NFXL1: variants seen among roughly 807,000 people sequenced by gnomAD.
NFXL1 encodes NF-X1-type zinc finger protein NFXL1.
In NFXL1, 66 loss-of-function variants were observed where a neutral mutation model predicts 123.3. That is an observed-to-expected ratio of 0.54 (90% CI 0.44 to 0.66). The LOEUF (loss-of-function observed/expected upper bound fraction) is 0.66. Ranked by LOEUF, NFXL1 falls within the 30% of genes least tolerant of loss-of-function variation. NFXL1 has a pLI of 0.00. For missense variants in NFXL1, 944 were observed against 1,125.6 expected, an observed-to-expected ratio of 0.84 and a Z score of 2.31; for synonymous variants, 346 against 360.8, an observed-to-expected ratio of 0.96 and a Z score of 0.46.
chr4:47,908,898 T>C (rs1299233255), intron 3 of NFXL1, among the ~76,000 whole-genome samples: 1 of 135,748 alleles, frequency 7.4e-6, no homozygotes, highest in Non-Finnish European at 1.5e-5. Flanking sequence ...GAGCTTGCAG[T>C]GAGCTGAGAT....
chr4:47,892,390 C>T (rs62298261), intron 11 of NFXL1, among the ~76,000 whole-genome samples: 49,823 of 152,040 alleles, frequency 0.33, 9,856 homozygotes, highest in Non-Finnish European at 0.44. Context: ...GGCAGCAGTA[C>T]AGAAAAAGCT....
At chr4:47,877,286 C>G (rs779285534) in intron 17 of NFXL1, 2 of 405,032 alleles carry the variant, frequency 4.9e-6, no homozygotes, top group Non-Finnish European at 9.8e-6. Flanking sequence ...AATTATCTTC[C>G]TGGATCACTT....
Position 47,890,753 on chromosome 4 carries a change from T to TAATA in NFXL1, c.1453-54_1453-51dup, listed in dbSNP as rs1047368658. The TAATA allele has an allele frequency of 4.0e-6, 4 of 995,454 alleles. No homozygotes were observed. The African/African-American group carries it at 6.4e-5, about 16-fold the overall frequency. 61.7% of individuals were successfully genotyped at this position (995,454 alleles called of 1,614,324 possible). ...AACAGGTAATTCAAAAACCCATGAA[T>TAATA]AATAGGCATGTCATTACTAGTTACA... On this transcript the variant is annotated intron_variant, in intron 11 of 22. Transcript: ENST00000507489.
rs1463730767 is a variant in NFXL1 at position 47,874,078 on chromosome 4, T to A, written c.2246+1049A>T. 5.3e-5 allele frequency among the ~76,000 whole-genome samples: 8 copies of A among 152,164 alleles called. No homozygotes were observed. In the East Asian group the frequency reaches 1.5e-3, roughly 29 times the overall value. ...TCAGTCTTCACAGAATTGAAGAGAGTTAGGAACATCTCTAAATGTTGTGGC... is the reference window on the plus strand; with the variant it reads ...TCAGTCTTCACAGAATTGAAGAGAGATAGGAACATCTCTAAATGTTGTGGC... On this transcript the variant is annotated intron_variant, in intron 18 of 22. Coordinates refer to ENST00000507489, the MANE Select transcript of NFXL1 (RefSeq NM_001278624.2).
intron 18 of NFXL1, among the ~76,000 whole-genome samples, chr4:47,866,062 A>G (rs1352468868): frequency 6.6e-6 from 1 of 152,150 alleles, no homozygotes; most frequent in Admixed American, 6.6e-5. Context: ...AGATTCAAGT[A>G]GCCAATCTTG....
chr4:47,851,777 T>G, intron 21 of NFXL1, 79 bp downstream of exon 21: 1 of 901,334 alleles, frequency 1.1e-6, no homozygotes, highest in Non-Finnish European at 1.7e-6. Context: ...TTTCAAGTTG[T>G]TTTTAATAAG....
At chr4:47,874,836 C>T (rs1424746668) in intron 18 of NFXL1, among the ~76,000 whole-genome samples, 1 of 152,130 alleles carries the variant, frequency 6.6e-6, no homozygotes, top group Admixed American at 6.5e-5. Context: ...CATAGTCAAA[C>T]TATCAGGTAT....
intron 18 of NFXL1, among the ~76,000 whole-genome samples, chr4:47,870,576 T>A (rs970307032): frequency 3.3e-5 from 5 of 150,564 alleles, no homozygotes; most frequent in Non-Finnish European, 5.9e-5. Context: ...GGCAAAAGTA[T>A]TGTAAAGAAA....
intron 9 of NFXL1, among the ~76,000 whole-genome samples, chr4:47,897,641 G>A (rs531139305): frequency 2.0e-5 from 3 of 152,090 alleles, no homozygotes; most frequent in Non-Finnish European, 4.4e-5. Context: ...TCATGGTGTT[G>A]TATATTTTAT....
At chr4:47,898,160 T>G in intron 8 of NFXL1, 79 bp from the exon 9 acceptor site, 1 of 808,636 alleles carries the variant, frequency 1.2e-6, no homozygotes, top group Non-Finnish European at 1.9e-6. Flanking sequence ...ACAATCCATT[T>G]TTCAATCACA....
intron 15 of NFXL1, 74 bp downstream of exon 15, chr4:47,884,272 T>C (rs1736294304): frequency 4.5e-5 from 36 of 802,954 alleles, no homozygotes; most frequent in Middle Eastern, 4.8e-4. Flanking sequence ...AAAAGGGAGA[T>C]TGACTTCAGA....
intron 15 of NFXL1, among the ~76,000 whole-genome samples, chr4:47,881,743 C>T (rs538543763): frequency 6.6e-6 from 1 of 152,208 alleles, no homozygotes; most frequent in East Asian, 1.9e-4. Flanking sequence ...CACAGAGGAA[C>T]CATAAAACCA....
intron 9 of NFXL1, 163 bp from the exon 10 acceptor site, chr4:47,896,810 C>T: frequency 1.8e-6 from 1 of 547,708 alleles, no homozygotes; most frequent in Non-Finnish European, 3.2e-6. Flanking sequence ...GAAAATAATC[C>T]CTAATATTTG....
intron 18 of NFXL1, 59 bp downstream of exon 18, chr4:47,875,067 TA>T: frequency 8.4e-7 from 1 of 1,197,536 alleles, no homozygotes; most frequent in Non-Finnish European, 1.2e-6. Context: ...TTCTTAATTA[TA>T]AAAAGATACC....
At chr4:47,848,900 T>A (rs559844527) in intron 22 of NFXL1, among the ~76,000 whole-genome samples, 2 of 151,788 alleles carry the variant, frequency 1.3e-5, no homozygotes, top group Non-Finnish European at 2.9e-5. Flanking sequence ...AAAAAATAAA[T>A]AAATAAATAA....
Position 47,885,990 on chromosome 4 carries a change from T to A in NFXL1, c.1553A>T (p.Tyr518Phe). 6.2e-7 allele frequency: 1 copy of A among 1,610,306 alleles called. No homozygotes were observed. Among genetic ancestry groups the A allele is most frequent in the Non-Finnish European group, 8.5e-7 (1 of 1,179,008 alleles). ...CPSVCHRGSC[Y>F]PCPETVDVKC... Reference sequence around the variant, plus strand: ...CACATCTACGGTTTCTGGGCAGGGATAGCAACTGCCTGAAAAAAAAGTCTG... The same window carrying A: ...CACATCTACGGTTTCTGGGCAGGGAAAGCAACTGCCTGAAAAAAAAGTCTG... Residue 518 changes from tyrosine to phenylalanine, a missense_variant, in exon 13 of 23, where the codon TAT becomes TTT. Tyr to Phe is a conservative substitution (Grantham distance 22). Transcript: ENST00000507489.
chr4:47,868,067 G>A (rs1345104099), intron 18 of NFXL1, among the ~76,000 whole-genome samples: 5 of 152,196 alleles, frequency 3.3e-5, no homozygotes, highest in Non-Finnish European at 5.9e-5. Context: ...TGTAATCTCA[G>A]CACTTTGGGA....
In NFXL1 at chr4:47,914,193, G is replaced by T. The variant is rs529064297; in HGVS notation, c.11C>A (p.Ser4Tyr). 2.4e-5 allele frequency: 37 copies of T among 1,516,850 alleles called. No homozygotes were observed. Among genetic ancestry groups the T allele is most frequent in the Non-Finnish European group, 3.3e-5 (37 of 1,131,264 alleles). 94.0% of individuals were successfully genotyped at this position (1,516,850 alleles called of 1,614,324 possible). A position where few individuals can be genotyped will look rare whatever the true frequency, so the allele number is the denominator to read the frequency against. ...TCGGCCACCGGCCACCTGGCGCCAG[G>T]AAGCTTCCATCCCTGCAAAGGAGAA... MEA[S>Y]WRQVAGGRGR... is the part of the protein sequence containing the mutation. The change falls in exon 2 of 23, where the codon TCC becomes TAC. Residue 4 changes from serine (S) to tyrosine (Y), a missense_variant. Physicochemically the swap from Ser to Tyr is moderately radical, Grantham distance 144 (BLOSUM62 -2). Transcript: ENST00000507489.
chr4:47,898,990 C>G lies in NFXL1; in HGVS notation c.957G>C (p.Gly319=). Residue 319 remains glycine (G), a synonymous_variant, in exon 7 of 23, where the codon GGG becomes GGC. Coordinates refer to ENST00000507489, the MANE Select transcript of NFXL1 (RefSeq NM_001278624.2). ...QLPCGQKLLC[G]QHKCENPCHA... ...GACAAGGATTTTCACACTTATGTTG[C>G]CCACAAAGCAACTTCTGTCCACATG... 6.2e-7 allele frequency: 1 copy of G among 1,613,998 alleles called. No individual in the cohort carries two copies. Among genetic ancestry groups the G allele is most frequent in the Non-Finnish European group, 8.5e-7 (1 of 1,179,978 alleles).
Sources: gnomAD v4.1 joint callset for allele counts (sites outside exome capture counted in the v4.1 genomes callset) on GRCh38, gnomAD v4.1.1 for gene constraint, MANE v1.5 for transcripts, NCBI Gene and HGNC (gene_info 2026-07-23, HGNC 2026-07-21) for gene names.